Variants in CTBP2 observed in about 807,000 individuals in gnomAD.
CTBP2 encodes the protein C-terminal binding protein 2, also known as C-terminal-binding protein 2.
In CTBP2, 30 loss-of-function variants were observed where a neutral mutation model predicts 80.3. The ratio of observed to expected loss-of-function variants is 0.37; its 90% confidence interval spans 0.28 to 0.51. The LOEUF is 0.51. CTBP2 is among the 20% of genes least tolerant of loss of function. CTBP2 has a pLI of 0.93. For missense variants in CTBP2, 1,212 were observed against 1,375.3 expected, an observed-to-expected ratio of 0.88 and a Z score of 1.88; for synonymous variants, 594 against 587.4, an observed-to-expected ratio of 1.01 and a Z score of -0.16.
chr10:125,161,278 C>T (rs1459782634), upstream of CTBP2: 3 of 151,910 alleles, frequency 2.0e-5, no homozygotes, highest in South Asian at 2.1e-4. Flanking sequence ...CCGGGAGGCC[C>T]TCGGGAGGCG....
intron 1 of CTBP2, among the ~76,000 whole-genome samples, chr10:125,144,100 CAG>C (rs1426712605): frequency 6.6e-6 from 1 of 152,206 alleles, no homozygotes; most frequent in African/African-American, 2.4e-5. Context: ...AAGGGGCAAA[CAG>C]AGTCCCTTAA....
At chr10:125,040,076 T>G (rs1283881079) in intron 2 of CTBP2, among the ~76,000 whole-genome samples, 1 of 151,980 alleles carries the variant, frequency 6.6e-6, no homozygotes, top group Non-Finnish European at 1.5e-5. Context: ...CCCGGTGAGG[T>G]CCAGATCATT....
At position 124,989,674 on chromosome 10, in the gene CTBP2, C is replaced by T. The variant is rs979232406; in HGVS notation, c.2802G>A (p.Val934=). ...TGGCTGCAGGAAGTCCTCCTGGAGC[C>T]ACACCCACGATGCCTGGCGGATATC... The change falls in exon 9 of 9, where the codon GTG becomes GTA. Residue 934 remains valine (V), a synonymous_variant. Coordinates refer to ENST00000309035, the MANE Select transcript of CTBP2 (RefSeq NM_022802.3). The T allele has an allele frequency of 1.3e-6, 2 of 1,594,838 alleles. No individual in the cohort carries two copies. Among genetic ancestry groups the T allele is most frequent in the Non-Finnish European group, 1.7e-6 (2 of 1,169,980 alleles).
At position 124,985,326 on chromosome 10, in the gene CTBP2, ATAT is replaced by A. The variant is rs749890559; in HGVS notation, c.*4189_*4191del. 27 of 190,950 alleles carry A rather than the reference ATAT, an allele frequency of 1.4e-4. No individual in the cohort carries two copies. The highest frequency in any genetic ancestry group is 2.2e-4 in the Non-Finnish European group (21 of 93,752). The allele number at this position is 190,950 out of a possible 1,614,324, so 11.8% of individuals were successfully genotyped here. A position where few individuals can be genotyped will look rare whatever the true frequency, so the allele number is the denominator to read the frequency against. On this transcript the variant is annotated 3_prime_UTR_variant, in exon 9 of 9. Coordinates refer to ENST00000309035, the MANE Select transcript of CTBP2 (RefSeq NM_022802.3). ...TAGGAAAAGTTGTACCAGCATCTTC[ATAT>A]TATTGAGAAAATTTTTTCCAGCATG...
chr10:125,149,136 A>T (rs180855199), intron 1 of CTBP2, among the ~76,000 whole-genome samples: 3 of 152,186 alleles, frequency 2.0e-5, no homozygotes, highest in Admixed American at 6.5e-5. Context: ...GACAGGGGAC[A>T]CACCATAGAC....
chr10:125,147,534 CA>C (rs1443331291), intron 1 of CTBP2, among the ~76,000 whole-genome samples: 4 of 152,162 alleles, frequency 2.6e-5, no homozygotes, highest in African/African-American at 9.7e-5. Flanking sequence ...CGGCTGCTCC[CA>C]AACTAAGCCA....
intron 1 of CTBP2, among the ~76,000 whole-genome samples, chr10:125,016,019 G>T (rs1192656224): frequency 1.4e-5 from 2 of 140,646 alleles, no homozygotes; most frequent in Admixed American, 1.4e-4. Flanking sequence ...CCTACTGTGC[G>T]CTGGGTACCC....
chr10:125,107,454 C>T (rs1851637012), intron 2 of CTBP2, among the ~76,000 whole-genome samples: 1 of 152,266 alleles, frequency 6.6e-6, no homozygotes, highest in Non-Finnish European at 1.5e-5. Context: ...GGCGCCAACA[C>T]CTCCACCACT....
Position 125,027,880 on chromosome 10 carries a change from A to C in CTBP2, c.-121T>G. 7.0e-7 allele frequency: 1 copy of C among 1,426,426 alleles called. No homozygotes were observed. Among genetic ancestry groups the C allele is most frequent in the South Asian group, 1.5e-5 (1 of 65,038 alleles). The allele number at this position is 1,426,426 out of a possible 1,614,324, so 88.4% of individuals were successfully genotyped here. ...CCTTCCGAGACGGCAGGGACAACCA[A>C]CTGGGGGTTTTCTGTTTCAAAGCAT... On this transcript the variant is annotated 5_prime_UTR_variant, in exon 1 of 9. Coordinates refer to ENST00000309035, the MANE Select transcript of CTBP2 (RefSeq NM_022802.3).
chr10:125,145,992 C>T (rs768229788), intron 1 of CTBP2, among the ~76,000 whole-genome samples: 8 of 150,276 alleles, frequency 5.3e-5, no homozygotes, highest in Non-Finnish European at 7.4e-5. Context: ...GGGATGATCT[C>T]GACTCACTGC....
At chr10:125,046,861 T>C (rs879110109) in intron 2 of CTBP2, among the ~76,000 whole-genome samples, 1 of 152,238 alleles carries the variant, frequency 6.6e-6, no homozygotes, top group Non-Finnish European at 1.5e-5. Context: ...GGTTAAGGGT[T>C]GTTAGCACAC....
chr10:125,072,818 C>G (rs1002843377), intron 2 of CTBP2, among the ~76,000 whole-genome samples: 1 of 152,082 alleles, frequency 6.6e-6, no homozygotes, highest in East Asian at 1.9e-4. Context: ...GCAGGACCTG[C>G]AGGCTCAAAT....
intron 3 of CTBP2, among the ~76,000 whole-genome samples, chr10:125,036,666 G>A: frequency 1.0e-5 from 1 of 100,326 alleles, no homozygotes; most frequent in Non-Finnish European, 2.0e-5. Context: ...AAAGCTAGAG[G>A]GGGTGTGTGT....
chr10:125,110,785 T>C (rs1185656612), intron 2 of CTBP2, among the ~76,000 whole-genome samples: 1 of 152,064 alleles, frequency 6.6e-6, no homozygotes, highest in African/African-American at 2.4e-5. Flanking sequence ...TGCTTCAGAG[T>C]TAATTACATG....
intron 2 of CTBP2, among the ~76,000 whole-genome samples, chr10:125,086,343 C>T (rs889691516): frequency 6.6e-6 from 1 of 152,032 alleles, no homozygotes; most frequent in African/African-American, 2.4e-5. Context: ...ACCAGCCTGG[C>T]CAACACAGCG....
intron 2 of CTBP2, among the ~76,000 whole-genome samples, chr10:125,077,600 C>T (rs1846472958): frequency 6.6e-6 from 1 of 152,234 alleles, no homozygotes; most frequent in African/African-American, 2.4e-5. Context: ...TCCAACAGCA[C>T]ATTCTGGAAA....
chr10:125,002,918 G>C (rs376425040), intron 3 of CTBP2, 42 bp downstream of exon 5: 13 of 1,606,648 alleles, frequency 8.1e-6, no homozygotes, highest in Non-Finnish European at 9.3e-6. Context: ...GGCCCACAGA[G>C]CTCCGGACAA....
At chr10:125,098,708 C>CAGAGAGAGAGAGAGAGAGAG (rs1850045599) in intron 2 of CTBP2, among the ~76,000 whole-genome samples, 1 of 65,698 alleles carries the variant, frequency 1.5e-5, no homozygotes, top group African/African-American at 7.0e-5. Flanking sequence ...GAGAGAGAGA[C>CAGAGAGAGAGAGAGAGAGAG]AGAGAGAGAG....
intron 1 of CTBP2, among the ~76,000 whole-genome samples, chr10:125,155,696 A>C (rs1252788640): frequency 6.6e-6 from 1 of 152,072 alleles, no homozygotes; most frequent in Non-Finnish European, 1.5e-5. Context: ...AAAAAAAAAA[A>C]ACTCTTTCAT....
Sources: gnomAD v4.1 joint callset for allele counts (sites outside exome capture counted in the v4.1 genomes callset) on GRCh38, gnomAD v4.1.1 for gene constraint, MANE v1.5 for transcripts, NCBI Gene and HGNC (gene_info 2026-07-23, HGNC 2026-07-21) for gene names.